RYR3: variants seen among roughly 807,000 people sequenced by gnomAD.
RYR3 encodes the protein brain ryanodine receptor-calcium release channel.
Under a neutral mutation model 584.3 loss-of-function variants are expected in RYR3, and 207 were observed. The observed-to-expected ratio is 0.35, with a 90% CI of 0.32 to 0.40. The LOEUF (loss-of-function observed/expected upper bound fraction) is 0.40, where lower values mean the gene tolerates loss of function less well. RYR3 is among the 10% of genes least tolerant of loss of function. The pLI is 1.00. For missense variants in RYR3, 5,616 were observed against 6,089.2 expected, an observed-to-expected ratio of 0.92 and a Z score of 2.59; for synonymous variants, 2,416 against 2,248.5, an observed-to-expected ratio of 1.07 and a Z score of -2.11.
chr15:33,863,140 T>C (rs948642168), intron 102 of RYR3, among the ~76,000 whole-genome samples: 27 of 152,170 alleles, frequency 1.8e-4, no homozygotes, highest in Non-Finnish European at 3.4e-4. Context: ...TTCCTATCTC[T>C]ATCCCCTCTA....
chr15:33,582,502 G>C (rs1367835849), intron 14 of RYR3, among the ~76,000 whole-genome samples: 1 of 152,140 alleles, frequency 6.6e-6, no homozygotes, highest in Non-Finnish European at 1.5e-5. Flanking sequence ...GTTTTGTATT[G>C]ACCCAGTAGG....
At position 33,848,349 on chromosome 15, in the gene RYR3, G is replaced by A. The variant is rs1402689065; in HGVS notation, c.13556G>A (p.Gly4519Asp). The change falls in exon 94 of 104, where the codon GGC (glycine) becomes GAC (aspartate). Residue 4519 changes from glycine (G) to aspartate (D), a missense_variant. Coordinates refer to ENST00000634891, the MANE Select transcript of RYR3 (RefSeq NM_001036.6). ...ATCGCCAGGAAGCTGGAGTTTGATGGCCTATATATCACCGAACAGCCATCT... is the reference window on the plus strand; with the variant it reads ...ATCGCCAGGAAGCTGGAGTTTGATGACCTATATATCACCGAACAGCCATCT... ...KEIARKLEFD[G>D]LYITEQPSED... 6.2e-7 allele frequency: 1 copy of A among 1,613,766 alleles called. No homozygotes were observed. The highest frequency in any genetic ancestry group is 1.7e-4 in the Middle Eastern group (1 of 5,928).
intron 67 of RYR3, among the ~76,000 whole-genome samples, chr15:33,797,875 CT>C (rs1393266329): frequency 6.6e-6 from 1 of 152,180 alleles, no homozygotes; most frequent in Non-Finnish European, 1.5e-5. Flanking sequence ...ACATTTGACC[CT>C]GAAAAATCAA....
At chr15:33,313,028 C>T (rs1967575290) in intron 1 of RYR3, among the ~76,000 whole-genome samples, 1 of 152,200 alleles carries the variant, frequency 6.6e-6, no homozygotes, top group South Asian at 2.1e-4. Context: ...TTCAGAGCCC[C>T]TGTTGCAGAG....
At chr15:33,521,791 T>C (rs1209984051) in intron 3 of RYR3, among the ~76,000 whole-genome samples, 1 of 152,128 alleles carries the variant, frequency 6.6e-6, no homozygotes, top group Non-Finnish European at 1.5e-5. Flanking sequence ...AACTTTCTTT[T>C]CTGGGGTAAG....
chr15:33,322,199 A>G (rs1158502566), intron 1 of RYR3, among the ~76,000 whole-genome samples: 1 of 152,220 alleles, frequency 6.6e-6, no homozygotes, highest in Non-Finnish European at 1.5e-5. Context: ...AGACTGGGCA[A>G]TTTATAAAGG....
At chr15:33,846,064 G>C (rs776382553) in intron 93 of RYR3, among the ~76,000 whole-genome samples, 3 of 152,224 alleles carry the variant, frequency 2.0e-5, no homozygotes, top group Non-Finnish European at 4.4e-5. Flanking sequence ...GGGCTCAGCT[G>C]GGGTAGCTGG....
intron 3 of RYR3, among the ~76,000 whole-genome samples, chr15:33,520,345 G>A (rs1189918629): frequency 3.3e-5 from 5 of 152,188 alleles, no homozygotes; most frequent in Non-Finnish European, 2.9e-5. Context: ...TAGACTCTTT[G>A]TTGGAAATAC....
At position 33,566,731 on chromosome 15, in the gene RYR3, C is replaced by T. The variant is rs2057736613; in HGVS notation, c.1200C>T (p.Cys400=). Residue 400 remains cysteine, a synonymous_variant, in exon 12 of 104, where the codon TGC becomes TGT. Transcript: ENST00000634891. The part of the protein sequence containing the change: ...HMDDGLTLQR[C]QREESQAARI... ...ATGATGGATTAACACTGCAGAGATG[C>T]CAGCGTGAGGAGTCCCAGGCTGCTC... 1.9e-6 allele frequency: 3 copies of T among 1,613,644 alleles called. No individual in the cohort carries two copies. Among genetic ancestry groups the T allele is most frequent in the African/African-American group, 2.7e-5 (2 of 75,020 alleles).
At chr15:33,740,121 CTT>C (rs2069934390) in intron 51 of RYR3, 126 bp downstream of exon 51, 4 of 768,168 alleles carry the variant, frequency 5.2e-6, no homozygotes, top group Non-Finnish European at 6.3e-6. Flanking sequence ...CATCATTTCT[CTT>C]GATGTGTCAA....
Position 33,857,902 on chromosome 15 carries a change from CG to C in RYR3, c.14131del (p.Asp4711ThrfsTer2). 1 of 1,614,102 alleles carries C rather than the reference CG, an allele frequency of 6.2e-7. No individual in the cohort carries two copies. The highest frequency in any genetic ancestry group is 8.5e-7 in the Non-Finnish European group (1 of 1,180,040). ...ATGACGAGCCCGATATGAAGTGCGA[CG>C]ACATGATGACGGTGAGAGCCCACCC... is the stretch of plus-strand genomic sequence containing the variant. ...DDDEPDMKCD[D>X]MMTCYLFHMY... On this transcript the variant is annotated frameshift_variant, in exon 99 of 104. Coordinates refer to ENST00000634891, the MANE Select transcript of RYR3 (RefSeq NM_001036.6). LOFTEE classifies it high-confidence loss of function.
At chr15:33,572,651 CTA>C (rs1301383818) in intron 12 of RYR3, among the ~76,000 whole-genome samples, 21 of 128,584 alleles carry the variant, frequency 1.6e-4, no homozygotes, top group Non-Finnish European at 2.5e-4. Context: ...AAAAAAAAAA[CTA>C]TATATACACA....
chr15:33,759,048 A>G (rs1444072026), intron 60 of RYR3, among the ~76,000 whole-genome samples: 1 of 152,006 alleles, frequency 6.6e-6, no homozygotes, highest in African/African-American at 2.4e-5. Context: ...CCTGCAGCAG[A>G]GGGACCTGAC....
At chr15:33,591,199 C>G (rs1595739431) in intron 16 of RYR3, among the ~76,000 whole-genome samples, 3 of 152,198 alleles carry the variant, frequency 2.0e-5, no homozygotes, top group Non-Finnish European at 4.4e-5. Flanking sequence ...TTCTTGTCTG[C>G]TCTTTAAAAC....
chr15:33,338,366 T>C (rs1446059290), intron 1 of RYR3, among the ~76,000 whole-genome samples: 1 of 152,160 alleles, frequency 6.6e-6, no homozygotes, highest in Non-Finnish European at 1.5e-5. Context: ...TACATAGTTT[T>C]CATGTAAGTG....
Position 33,636,396 on chromosome 15 carries a change from A to C in RYR3, c.3402A>C (p.Gly1134=). 6.2e-7 allele frequency: 1 copy of C among 1,613,874 alleles called. No individual in the cohort carries two copies. The highest frequency in any genetic ancestry group is 1.1e-5 in the South Asian group (1 of 91,062). Reference sequence around the variant, plus strand: ...TCTAGGGCCAGCGTTGGCATCAAGGAAGTGGGTATTTTGGGCGTACCTGGC... The same window carrying C: ...TCTAGGGCCAGCGTTGGCATCAAGGCAGTGGGTATTTTGGGCGTACCTGGC... The part of the protein sequence containing the change: ...EGNRGQRWHQ[G]SGYFGRTWQP... The change falls in exon 27 of 104, where the codon GGA becomes GGC. Residue 1134 remains glycine (G), a synonymous_variant. Transcript: ENST00000634891.
intron 3 of RYR3, among the ~76,000 whole-genome samples, chr15:33,506,407 T>C (rs2052488177): frequency 6.6e-6 from 1 of 152,224 alleles, no homozygotes; most frequent in South Asian, 2.1e-4. Flanking sequence ...TCCATGACAT[T>C]TTTGTTAATA....
chr15:33,545,401 G>T (rs951168423), intron 8 of RYR3, among the ~76,000 whole-genome samples: 1 of 151,992 alleles, frequency 6.6e-6, no homozygotes, highest in Non-Finnish European at 1.5e-5. Context: ...TTCACAATAG[G>T]CACACTGGAG....
At chr15:33,780,164 C>A (rs367752105) in intron 64 of RYR3, 47 bp from the exon 65 acceptor site, 108 of 1,599,500 alleles carry the variant, frequency 6.8e-5, no homozygotes, top group Non-Finnish European at 8.8e-5. Flanking sequence ...ATGCATGGGG[C>A]CAGCATGTGG....
Sources: allele counts gnomAD v4.1 joint callset (sites outside exome capture counted in the v4.1 genomes callset), GRCh38; gene constraint gnomAD v4.1.1; transcripts MANE v1.5; gene names NCBI Gene and HGNC (gene_info 2026-07-23, HGNC 2026-07-21).